Variants in CAPN15 observed in about 807,000 individuals in gnomAD.
CAPN15 encodes calpain-15.
In CAPN15, 53 loss-of-function variants were observed where a neutral mutation model predicts 97.9. The ratio of observed to expected loss-of-function variants is 0.54; its 90% CI spans 0.43 to 0.68. The LOEUF is 0.68. Among genes scored for constraint, CAPN15 ranks in the 30% least tolerant of loss-of-function variants. The probability of loss-of-function intolerance (pLI) is 0.00; values close to 1 mark genes in which losing one functional copy is unlikely to be tolerated. For missense variants in CAPN15, 1,592 were observed against 1,589.8 expected (o/e 1.00, Z -0.02); for synonymous variants, 922 against 722.5 (o/e 1.28, Z -4.43).
Position 552,835 on chromosome 16 carries a change from G to T in CAPN15, c.2905-28G>T, listed in dbSNP as rs1567162042. On this transcript the variant is annotated intron_variant, in intron 12 of 13. Coordinates refer to ENST00000219611, the MANE Select transcript of CAPN15 (RefSeq NM_005632.3). The surrounding 1 kb of genome is among the most constrained non-coding windows in gnomAD (Gnocchi z 6.4). ...GGGAGTATGCCCCAGCACCTCCCCT[G>T]CCCCACAACTGCCATTCCTGTGCCC... 1 of 1,457,350 alleles carries T rather than the reference G, an allele frequency of 6.9e-7. No homozygotes were observed. The highest frequency in any genetic ancestry group is 9.2e-7 in the Non-Finnish European group (1 of 1,081,312). The allele number at this position is 1,457,350 out of a possible 1,614,324, so 90.3% of individuals were successfully genotyped here. A position where few individuals can be genotyped will look rare whatever the true frequency, so the allele number is the denominator to read the frequency against.
chr16:549,529 G>T, intron 6 of CAPN15, 58 bp downstream of exon 6: 1 of 1,226,088 alleles, frequency 8.2e-7, no homozygotes, highest in Non-Finnish European at 1.1e-6. Flanking sequence ...CCCCAGCCCC[G>T]AAAACAAGGC....
intron 3 of CAPN15, among the ~76,000 whole-genome samples, chr16:544,187 G>A (rs764775333): frequency 3.3e-5 from 5 of 152,178 alleles, no homozygotes; most frequent in African/African-American, 9.7e-5. Flanking sequence ...GAGGCACCAC[G>A]CCTGCCCCTC....
chr16:549,619 A>T lies in CAPN15; in HGVS notation c.1847A>T (p.Gln616Leu). The stretch of plus-strand genomic sequence containing the variant: ...CTCTGACCCGGCCCTCTGCAGGCGC[A>T]GCGGAAGCAGCTGTGGGTGGCCCTC... ...EAGCLLFSQA[Q>L]RKQLWVALIE... The change falls in exon 7 of 14, where the codon CAG (glutamine) becomes CTG (leucine). Residue 616 changes from glutamine (Q) to leucine (L), a missense_variant. By Grantham distance (113) the Gln-to-Leu change is moderately radical. Transcript: ENST00000219611. The T allele has an allele frequency of 6.5e-7, 1 of 1,542,048 alleles. No individual in the cohort carries two copies.
intron 3 of CAPN15, chr16:537,103 CTG>C: frequency 1.0e-6 from 1 of 982,108 alleles, no homozygotes; most frequent in Non-Finnish European, 1.2e-6. Context: ...TGTCCAGCCT[CTG>C]TGACAGGGAC....
In CAPN15 at chr16:547,112, G is replaced by A. The variant is rs773799955; in HGVS notation, c.274G>A (p.Ala92Thr). The A allele has an allele frequency of 3.1e-4, 495 of 1,574,834 alleles. 1 individual carries two copies. The highest frequency in any genetic ancestry group is 2.2e-3 in the Middle Eastern group (13 of 5,936). The change falls in exon 4 of 14, where the codon GCC becomes ACC. Residue 92 changes from alanine (A) to threonine (T), a missense_variant. Physicochemically the swap from Ala to Thr is moderately conservative, Grantham distance 58. This residue lies in a region of CAPN15 where 883 missense variants were observed against 776.6 expected (regional missense o/e 1.14). Coordinates refer to ENST00000219611, the MANE Select transcript of CAPN15 (RefSeq NM_005632.3). ...CAACGGGGTCCTCCCCAAGCCACCC[G>A]CCATCCTGGGGGAGCCCAAGGGCAG... ...VLNGVLPKPP[A>T]ILGEPKGSCQ...
At chr16:537,348 T>C (rs546365592) in intron 3 of CAPN15, 1 of 985,574 alleles carries the variant, frequency 1.0e-6, no homozygotes, top group Non-Finnish European at 1.2e-6. Flanking sequence ...CACTTCTGCC[T>C]TGGGCCTAAA....
At chr16:541,861 TG>T (rs1251681229) in intron 3 of CAPN15, among the ~76,000 whole-genome samples, 1 of 146,594 alleles carries the variant, frequency 6.8e-6, no homozygotes, top group African/African-American at 2.5e-5. Context: ...AGGACGTGGC[TG>T]GCTGGGTTTG....
At chr16:551,252 G>T (rs1266224134) in intron 7 of CAPN15, 50 bp from the exon 8 acceptor site, 3 of 1,524,682 alleles carry the variant, frequency 2.0e-6, no homozygotes, top group Admixed American at 3.7e-5. Context: ...GTCGGTGAGG[G>T]TCCCCTGTCG....
At position 551,651 on chromosome 16, in the gene CAPN15, G is replaced by A. The variant is rs144401116; in HGVS notation, c.2332G>A (p.Gly778Ser). The change falls in exon 9 of 14, where the codon GGC becomes AGC. Residue 778 changes from glycine (G) to serine (S), a missense_variant. Around this residue, in one of 3 missense-constraint regions of CAPN15, gnomAD observed 644 missense variants for 699.6 expected, o/e 0.92. Coordinates refer to ENST00000219611, the MANE Select transcript of CAPN15 (RefSeq NM_005632.3). ...TGAGGGTGTCTTCTGGATGGAGTAC[G>A]GCGACTTTGTCAGGTATCGGCACCG... ...SSEGVFWMEY[G>S]DFVRYFDSVD... is the part of the protein sequence containing the mutation. The A allele has an allele frequency of 2.9e-4, 460 of 1,593,626 alleles. No individual in the cohort carries two copies. The South Asian group carries it at 3.2e-3, about 11-fold the overall frequency.
In CAPN15 at chr16:551,289, C is replaced by T; in HGVS notation, c.2067-13C>T. 6.3e-7 allele frequency: 1 copy of T among 1,583,796 alleles called. No homozygotes were observed. The highest frequency in any genetic ancestry group is 8.6e-7 in the Non-Finnish European group (1 of 1,163,682). On this transcript the variant is annotated splice_polypyrimidine_tract_variant and intron_variant, in intron 7 of 13. Transcript: ENST00000219611. ...TGAGGGTCCCGGTCGGTGAGGGCCG[C>T]TCTGCCACACAGGTTCCTCATGGGT... is the stretch of plus-strand genomic sequence containing the variant.
Position 551,407 on chromosome 16 carries a change from C to T in CAPN15, c.2172C>T (p.Val724=), listed in dbSNP as rs1294191402. Residue 724 remains valine (V), a synonymous_variant, in exon 8 of 14, where the codon GTC becomes GTT. Coordinates refer to ENST00000219611, the MANE Select transcript of CAPN15 (RefSeq NM_005632.3). ...RPRHAYSILD[V]RDVQGTRLLR... Reference sequence around the variant, plus strand: ...GGCATGCCTACTCCATCCTGGATGTCCGAGATGTCCAGGGCACCAGGTAGG... The same window carrying T: ...GGCATGCCTACTCCATCCTGGATGTTCGAGATGTCCAGGGCACCAGGTAGG... 6.2e-7 allele frequency: 1 copy of T among 1,609,128 alleles called. No homozygotes were observed. Among genetic ancestry groups the T allele is most frequent in the Admixed American group, 1.7e-5 (1 of 59,888 alleles).
chr16:543,007 C>T (rs539909504), intron 3 of CAPN15, among the ~76,000 whole-genome samples: 41 of 152,106 alleles, frequency 2.7e-4, no homozygotes, highest in Non-Finnish European at 5.9e-4. Context: ...GCCAAGATTG[C>T]ACCACTGCAC....
In CAPN15 at chr16:549,124, G is replaced by A; in HGVS notation, c.1581G>A (p.Arg527=). The change falls in exon 5 of 14, where the codon AGG becomes AGA. Residue 527 remains arginine (R), a synonymous_variant. Coordinates refer to ENST00000219611, the MANE Select transcript of CAPN15 (RefSeq NM_005632.3). ...RPQEINCSVF[R]DHRATWSVFH... Reference sequence around the variant, plus strand: ...AGGAGATCAACTGCTCCGTCTTCAGGGACCACAGGGCCACGTGGTCTGTGT... The same window carrying A: ...AGGAGATCAACTGCTCCGTCTTCAGAGACCACAGGGCCACGTGGTCTGTGT... 1.2e-6 allele frequency: 2 copies of A among 1,612,024 alleles called. No homozygotes were observed. The highest frequency in any genetic ancestry group is 1.7e-6 in the Non-Finnish European group (2 of 1,179,878).
Position 552,911 on chromosome 16 carries a change from C to A in CAPN15, c.2953C>A (p.Leu985Ile). The stretch of plus-strand genomic sequence containing the variant: ...CTACCTGACACACGGTTGGGCGGGG[C>A]TCATCGTGGTGGTGGAGAACCGACA... ...CYYLTHGWAG[L>I]IVVVENRHPK... The change falls in exon 13 of 14, where the codon CTC becomes ATC. Residue 985 changes from leucine to isoleucine, a missense_variant. Physicochemically the swap from Leu to Ile is conservative, Grantham distance 5. Transcript: ENST00000219611. The surrounding 1 kb of genome is among the most constrained non-coding windows in gnomAD (Gnocchi z 6.4). 6.2e-7 allele frequency: 1 copy of A among 1,606,894 alleles called. No individual in the cohort carries two copies. Among genetic ancestry groups the A allele is most frequent in the Non-Finnish European group, 8.5e-7 (1 of 1,176,488 alleles).
intron 1 of CAPN15, among the ~76,000 whole-genome samples, chr16:533,360 T>C (rs3785307): frequency 0.25 from 37,770 of 152,180 alleles, 7,471 homozygotes; most frequent in African/African-American, 0.55. Context: ...GGGTCCGCCA[T>C]GGAGAGCATG....
intron 3 of CAPN15, chr16:538,934 T>G (rs1369188606): frequency 7.2e-6 from 1 of 138,984 alleles, no homozygotes; most frequent in African/African-American, 2.8e-5. Context: ...CCAAAGGATA[T>G]GTTCTTTGGT....
At chr16:532,700 A>C (rs1459255077) in intron 1 of CAPN15, among the ~76,000 whole-genome samples, 1 of 151,638 alleles carries the variant, frequency 6.6e-6, no homozygotes, top group Non-Finnish European at 1.5e-5. Context: ...AAAATACAAA[A>C]AAATTAGCCG....
intron 7 of CAPN15, 118 bp downstream of exon 7, chr16:549,956 GT>G: frequency 1.2e-6 from 1 of 837,954 alleles, no homozygotes; most frequent in Non-Finnish European, 1.9e-6. Context: ...TGCCCCTGGC[GT>G]GGGCTGACCC....
chr16:550,777 GT>G (rs2034960496), intron 7 of CAPN15, among the ~76,000 whole-genome samples: 1 of 87,574 alleles, frequency 1.1e-5, no homozygotes, highest in Non-Finnish European at 2.3e-5. Flanking sequence ...GCCGGTGAGG[GT>G]CCCGGTCGGT....
Sources: allele counts gnomAD v4.1 joint callset (sites outside exome capture counted in the v4.1 genomes callset), GRCh38; gene constraint gnomAD v4.1.1; regional missense constraint gnomAD v4.1.1; non-coding constraint Gnocchi (gnomAD v3.1); transcripts MANE v1.5; gene names NCBI Gene and HGNC (gene_info 2026-07-23, HGNC 2026-07-21).